The following APAF1 variants were observed in gnomAD, a reference collection of about 807,000 sequenced individuals.
The protein encoded by APAF1 is apoptotic peptidase activating factor 1, also known as apoptotic protease-activating factor 1.
APAF1 carries 91 observed loss-of-function variants against 152.4 expected under a neutral mutation model. The observed-to-expected ratio is 0.60, with a 90% CI of 0.50 to 0.71. APAF1 has a LOEUF of 0.71. APAF1 is among the 30% of genes least tolerant of loss of function. The pLI is 0.00. For missense variants in APAF1, 1,283 were observed against 1,472.0 expected (o/e 0.87, Z 2.10); for synonymous variants, 484 against 494.1 (o/e 0.98, Z 0.27).
At chr12:98,686,690 C>G in intron 15 of APAF1, 58 bp from the exon 16 acceptor site, 2 of 1,529,884 alleles carry the variant, frequency 1.3e-6, no homozygotes, top group Middle Eastern at 3.8e-4. Flanking sequence ...CACATGATTT[C>G]TGATGTTTCC....
At chr12:98,649,206 A>G (rs2097645962) in intron 3 of APAF1, 4 of 983,736 alleles carry the variant, frequency 4.1e-6, no homozygotes, top group African/African-American at 1.7e-5. Flanking sequence ...CCAGTCTTCA[A>G]TATGAGAGGG....
At position 98,708,711 on chromosome 12, in the gene APAF1, AT is replaced by A; in HGVS notation, c.2841+13del. 7.4e-6 allele frequency: 12 copies of A among 1,611,090 alleles called. No individual in the cohort carries two copies. Among genetic ancestry groups the A allele is most frequent in the Non-Finnish European group, 1.0e-5 (12 of 1,178,436 alleles). ...CCATATAAGACGTCTGCAAGTGAGT[AT>A]TTTTTAGAAAACAATTGGAAAATTG... On this transcript the variant is annotated splice_region_variant and intron_variant, in intron 20 of 26. Transcript: ENST00000551964.
At chr12:98,670,701 T>C (rs1364927191) in intron 10 of APAF1, among the ~76,000 whole-genome samples, 1 of 152,056 alleles carries the variant, frequency 6.6e-6, no homozygotes, top group Admixed American at 6.5e-5. Context: ...CACTACAAGC[T>C]TACAAAAATA....
At chr12:98,714,344 T>C (rs1290465537) in intron 21 of APAF1, among the ~76,000 whole-genome samples, 1 of 152,256 alleles carries the variant, frequency 6.6e-6, no homozygotes. Flanking sequence ...AGCATTTACC[T>C]ATAAAGTGGC....
Position 98,727,300 on chromosome 12 carries a change from C to G in APAF1, c.3584C>G (p.Ala1195Gly). 6.2e-7 allele frequency: 1 copy of G among 1,614,044 alleles called. No homozygotes were observed. Among genetic ancestry groups the G allele is most frequent in the Non-Finnish European group, 8.5e-7 (1 of 1,179,982 alleles). Residue 1195 changes from alanine to glycine, a missense_variant, in exon 26 of 27, where the codon GCT becomes GGT. Physicochemically the swap from Ala to Gly is moderately conservative, Grantham distance 60. Coordinates refer to ENST00000551964, the MANE Select transcript of APAF1 (RefSeq NM_181861.2). ...CCAGATGGCAAAATGCTTATCTCTGCTGGAGGATATATTAAGGTAAGAGTT... is the reference window on the plus strand; with the variant it reads ...CCAGATGGCAAAATGCTTATCTCTGGTGGAGGATATATTAAGGTAAGAGTT... ...FSPDGKMLISAGGYIKWWNVV... is the reference protein window; with the variant it reads ...FSPDGKMLISGGGYIKWWNVV...
chr12:98,665,538 AT>A lies in APAF1; in HGVS notation c.956-5del, dbSNP rs552639887. On this transcript the variant is annotated splice_polypyrimidine_tract_variant and intron_variant, in intron 7 of 26. Coordinates refer to ENST00000551964, the MANE Select transcript of APAF1 (RefSeq NM_181861.2). ...AGGATGGTATTAGCATAGTGACTTCATTTTTTTTTTAAAGGCTCTCCCCTTG... is the reference window on the plus strand; with the variant it reads ...AGGATGGTATTAGCATAGTGACTTCATTTTTTTTTAAAGGCTCTCCCCTTG... 4,052 of 1,447,434 alleles carry A rather than the reference AT, an allele frequency of 2.8e-3. 3 individuals carry two copies. Among genetic ancestry groups the A allele is most frequent in the Non-Finnish European group, 3.4e-3 (3,567 of 1,043,352 alleles). 89.7% of individuals were successfully genotyped at this position (1,447,434 alleles called of 1,614,324 possible).
chr12:98,712,159 AT>A (rs1464475548), intron 20 of APAF1, among the ~76,000 whole-genome samples, 159 bp from the exon 21 acceptor site: 1 of 152,198 alleles, frequency 6.6e-6, no homozygotes, highest in Non-Finnish European at 1.5e-5. Context: ...GAAGTGCTAA[AT>A]GCAGCTGCTA....
chr12:98,671,258 G>T (rs1341681221), intron 11 of APAF1, among the ~76,000 whole-genome samples, 172 bp downstream of exon 11: 1 of 151,952 alleles, frequency 6.6e-6, no homozygotes, highest in African/African-American at 2.4e-5. Context: ...GGGAAAGTAG[G>T]TAGGATTGAA....
chr12:98,662,698 G>A lies in APAF1; in HGVS notation c.847G>A (p.Glu283Lys). The A allele has an allele frequency of 6.2e-7, 1 of 1,613,254 alleles. No homozygotes were observed. Among genetic ancestry groups the A allele is most frequent in the South Asian group, 1.1e-5 (1 of 91,030 alleles). ...AGGTCCTAAATATGTAGTCCCTGTGGAGAGTTCCTTAGGAAAGGAAAAAGG... is the reference window on the plus strand; with the variant it reads ...AGGTCCTAAATATGTAGTCCCTGTGAAGAGTTCCTTAGGAAAGGAAAAAGG... ...VMGPKYVVPVESSLGKEKGLE... is the reference protein window; with the variant it reads ...VMGPKYVVPVKSSLGKEKGLE... Residue 283 changes from glutamate to lysine, a missense_variant, in exon 7 of 27, where the codon GAG becomes AAG. By Grantham distance (56) the Glu-to-Lys change is moderately conservative (BLOSUM62 1). Transcript: ENST00000551964.
chr12:98,698,129 C>T (rs889576132), intron 16 of APAF1, among the ~76,000 whole-genome samples: 1 of 152,220 alleles, frequency 6.6e-6, no homozygotes, highest in African/African-American at 2.4e-5. Flanking sequence ...CATGTATAAT[C>T]AAGTTGGATT....
rs532047525 is a variant in APAF1 at position 98,695,362 on chromosome 12, C to CGCT, written c.2305-4046_2305-4045insGCT. ...CACTGCGCCCAATGCCGCCCCCCCC[C>CGCT]TTTTTTTTTTTTGAGACAGGGTCTC... On this transcript the variant is annotated intron_variant, in intron 16 of 26. Transcript: ENST00000551964. Among the ~76,000 whole-genome samples the CGCT allele has an allele frequency of 3.9e-3, 554 of 141,844 alleles. 3 individuals are homozygous for CGCT. The highest frequency in any genetic ancestry group is 0.014 in the African/African-American group (544 of 39,256). The allele number at this position is 141,844 out of a possible 152,430, so 93.1% of individuals were successfully genotyped here.
chr12:98,652,657 G>A (rs2097650397), intron 4 of APAF1, among the ~76,000 whole-genome samples: 3 of 150,482 alleles, frequency 2.0e-5, no homozygotes, highest in Admixed American at 6.6e-5. Context: ...ACGGAGTTTC[G>A]CTCTTGTTGC....
At chr12:98,691,461 A>G (rs1467053576) in intron 16 of APAF1, among the ~76,000 whole-genome samples, 4 of 152,040 alleles carry the variant, frequency 2.6e-5, no homozygotes, top group African/African-American at 4.8e-5. Context: ...CTTTCCCTTC[A>G]TGACTGGGCT....
intron 4 of APAF1, among the ~76,000 whole-genome samples, chr12:98,651,779 C>A (rs1049244337): frequency 6.6e-6 from 1 of 152,042 alleles, no homozygotes; most frequent in Non-Finnish European, 1.5e-5. Flanking sequence ...CCCACCTTAG[C>A]CTCCTGAGGA....
chr12:98,685,794 C>T (rs1052888558), intron 15 of APAF1, among the ~76,000 whole-genome samples: 1 of 152,096 alleles, frequency 6.6e-6, no homozygotes, highest in Non-Finnish European at 1.5e-5. Context: ...GGCCACCACT[C>T]CCAGCTAATT....
At chr12:98,695,071 G>T (rs1433629862) in intron 16 of APAF1, among the ~76,000 whole-genome samples, 2 of 147,934 alleles carry the variant, frequency 1.4e-5, no homozygotes, top group East Asian at 2.0e-4. Flanking sequence ...TTTCCCTCCC[G>T]AGATGGAGTC....
chr12:98,709,435 G>A (rs186944574), intron 20 of APAF1, among the ~76,000 whole-genome samples: 18 of 152,234 alleles, frequency 1.2e-4, no homozygotes, highest in Admixed American at 2.0e-4. Context: ...CGGAGTGGTG[G>A]TAACAGATGC....
At chr12:98,660,112 A>G (rs1489709934) in intron 5 of APAF1, among the ~76,000 whole-genome samples, 1 of 152,212 alleles carries the variant, frequency 6.6e-6, no homozygotes, top group Non-Finnish European at 1.5e-5. Flanking sequence ...TTGGGAGGCC[A>G]TGGTGGATAG....
At chr12:98,699,283 C>A in intron 16 of APAF1, 125 bp from the exon 17 acceptor site, 1 of 943,610 alleles carries the variant, frequency 1.1e-6, no homozygotes, top group Non-Finnish European at 1.6e-6. Flanking sequence ...AAAAGTCATG[C>A]ATAGGTAAAA....
Sources: gnomAD v4.1 joint callset for allele counts (sites outside exome capture counted in the v4.1 genomes callset) on GRCh38, gnomAD v4.1.1 for gene constraint, MANE v1.5 for transcripts, NCBI Gene and HGNC (gene_info 2026-07-23, HGNC 2026-07-21) for gene names.